The following GABRB3 variants were observed in gnomAD, a reference collection of about 807,000 sequenced individuals.
The protein encoded by GABRB3 is gamma-aminobutyric acid receptor subunit beta-3.
GABRB3 carries 14 observed loss-of-function variants against 52.1 expected under a neutral mutation model. That is an observed-to-expected ratio of 0.27 (90% confidence interval 0.18 to 0.42). The LOEUF (loss-of-function observed/expected upper bound fraction) is 0.42. Among genes scored for constraint, GABRB3 ranks in the 10% least tolerant of loss-of-function variants. The pLI is 1.00. For synonymous variants in GABRB3, 260 were observed against 232.3 expected, an observed-to-expected ratio of 1.12 and a Z score of -1.08; for missense variants, 307 against 609.1, an observed-to-expected ratio of 0.50 and a Z score of 5.22.
At chr15:26,678,305 T>C (rs1888129958) in intron 3 of GABRB3, among the ~76,000 whole-genome samples, 1 of 152,162 alleles carries the variant, frequency 6.6e-6, no homozygotes, top group Admixed American at 6.5e-5. Flanking sequence ...GACAATTTCT[T>C]ATTCTAAATT....
intron 3 of GABRB3, among the ~76,000 whole-genome samples, chr15:26,664,086 G>A (rs781503113): frequency 6.6e-6 from 1 of 152,062 alleles, no homozygotes; most frequent in Non-Finnish European, 1.5e-5. Flanking sequence ...TCACTTTATT[G>A]CCCAGGTGGG....
At position 26,543,929 on chromosome 15, in the gene GABRB3, C is replaced by T. The variant is rs1296576394; in HGVS notation, c.*3864G>A. The T allele has an allele frequency of 1.3e-5, 2 of 152,608 alleles. No individual in the cohort carries two copies. The highest frequency in any genetic ancestry group is 2.9e-5 in the Non-Finnish European group (2 of 68,040). 9.5% of individuals were successfully genotyped at this position (152,608 alleles called of 1,614,324 possible). A position where few individuals can be genotyped will look rare whatever the true frequency, so the allele number is the denominator to read the frequency against. Reference sequence around the variant, plus strand: ...TTGGGAATTTAGTATTTCAGGAAAACATGGCGCCTTTCAATGCAGTAGAAG... The same window carrying T: ...TTGGGAATTTAGTATTTCAGGAAAATATGGCGCCTTTCAATGCAGTAGAAG... On this transcript the variant is annotated 3_prime_UTR_variant, in exon 9 of 9. Transcript: ENST00000311550.
chr15:26,671,333 T>C (rs1430743620), intron 3 of GABRB3, among the ~76,000 whole-genome samples: 2 of 152,210 alleles, frequency 1.3e-5, no homozygotes, highest in Non-Finnish European at 2.9e-5. Context: ...TCTGGCAAAT[T>C]TGTAGCAAAC....
At chr15:26,652,502 T>G (rs1887228859) in intron 3 of GABRB3, among the ~76,000 whole-genome samples, 1 of 152,222 alleles carries the variant, frequency 6.6e-6, no homozygotes, top group Admixed American at 6.5e-5. Context: ...CACATGAATT[T>G]TAACTGCATG....
chr15:26,755,194 A>T (rs1890627675), intron 3 of GABRB3, among the ~76,000 whole-genome samples: 1 of 151,674 alleles, frequency 6.6e-6, no homozygotes, highest in African/African-American at 2.4e-5. Flanking sequence ...TTTAGTAGAG[A>T]TGGGGTTTCA....
chr15:26,728,308 C>T (rs1889824099), intron 3 of GABRB3, among the ~76,000 whole-genome samples: 1 of 152,192 alleles, frequency 6.6e-6, no homozygotes, highest in Non-Finnish European at 1.5e-5. Flanking sequence ...GTGTCCCCTC[C>T]ATGTATTCTG....
At chr15:26,592,779 C>A (rs1210717984) in intron 4 of GABRB3, among the ~76,000 whole-genome samples, 1 of 152,034 alleles carries the variant, frequency 6.6e-6, no homozygotes, top group Non-Finnish European at 1.5e-5. Context: ...CTTTGGGAGG[C>A]CGAGGCGGGT....
At chr15:26,631,890 A>T (rs992502021) in intron 3 of GABRB3, among the ~76,000 whole-genome samples, 2 of 152,196 alleles carry the variant, frequency 1.3e-5, no homozygotes, top group Non-Finnish European at 2.9e-5. Flanking sequence ...AGCATTGATT[A>T]TCTACCATAG....
At chr15:26,628,951 C>T in intron 3 of GABRB3, 1 of 1,535,410 alleles carries the variant, frequency 6.5e-7, no homozygotes. Context: ...TTGTGACTGC[C>T]GAGAGCCCGC....
At chr15:26,757,153 T>G (rs2140178650) in intron 3 of GABRB3, among the ~76,000 whole-genome samples, 1 of 152,294 alleles carries the variant, frequency 6.6e-6, no homozygotes, top group South Asian at 2.1e-4. Flanking sequence ...TTCCTGTTTC[T>G]TATACCAATT....
chr15:26,679,687 A>G (rs1160364896), intron 3 of GABRB3, among the ~76,000 whole-genome samples: 1 of 151,964 alleles, frequency 6.6e-6, no homozygotes, highest in African/African-American at 2.4e-5. Context: ...CCCAGAGCCA[A>G]TCTCACTGCT....
At chr15:26,730,601 G>A (rs1053392781) in intron 3 of GABRB3, among the ~76,000 whole-genome samples, 1 of 152,126 alleles carries the variant, frequency 6.6e-6, no homozygotes, top group African/African-American at 2.4e-5. Context: ...GTGGGGCTGG[G>A]TCCTTAGGAC....
chr15:26,605,953 T>A (rs1263822594), intron 4 of GABRB3, among the ~76,000 whole-genome samples: 1 of 152,024 alleles, frequency 6.6e-6, no homozygotes, highest in Admixed American at 6.6e-5. Context: ...GGAAGTCGAA[T>A]ACGAAGGAGG....
At chr15:26,642,236 C>T (rs1312525566) in intron 3 of GABRB3, among the ~76,000 whole-genome samples, 5 of 152,072 alleles carry the variant, frequency 3.3e-5, no homozygotes, top group East Asian at 1.9e-4. Context: ...CCATATCCAC[C>T]GGTTCTGAAT....
At chr15:26,685,038 T>A (rs190714440) in intron 3 of GABRB3, among the ~76,000 whole-genome samples, 1 of 152,174 alleles carries the variant, frequency 6.6e-6, no homozygotes, top group East Asian at 1.9e-4. Context: ...TGTGATAAAG[T>A]TAGATGTGCC....
chr15:26,752,232 TA>T (rs1890529797), intron 3 of GABRB3, among the ~76,000 whole-genome samples: 2 of 68,720 alleles, frequency 2.9e-5, no homozygotes, highest in Non-Finnish European at 5.2e-5. Flanking sequence ...CTCTTTATTT[TA>T]TTTATTTATT....
rs569965288 is a variant in GABRB3 at position 26,718,225 on chromosome 15, T to G, written c.240+54177A>C. Among the ~76,000 whole-genome samples, 340 of 152,288 alleles carry G rather than the reference T, an allele frequency of 2.2e-3. 4 individuals carry two copies. The highest frequency in any genetic ancestry group is 0.018 in the South Asian group (89 of 4,826). Reference sequence around the variant, plus strand: ...TTATTTATTTATTTATTTATTTTTTTGGGACGGAGTTTTGCTCTTGTTACC... The same window carrying G: ...TTATTTATTTATTTATTTATTTTTTGGGGACGGAGTTTTGCTCTTGTTACC... On this transcript the variant is annotated intron_variant, in intron 3 of 8. Coordinates refer to ENST00000311550, the MANE Select transcript of GABRB3 (RefSeq NM_000814.6).
chr15:26,601,247 C>G (rs1015429020), intron 4 of GABRB3, among the ~76,000 whole-genome samples: 1 of 152,060 alleles, frequency 6.6e-6, no homozygotes, highest in Non-Finnish European at 1.5e-5. Flanking sequence ...CATGGCAAAA[C>G]CCGGTCCCCA....
chr15:26,689,771 G>A (rs1200906947), intron 3 of GABRB3, among the ~76,000 whole-genome samples: 1 of 152,108 alleles, frequency 6.6e-6, no homozygotes, highest in Non-Finnish European at 1.5e-5. Flanking sequence ...GCCGCCTGGG[G>A]AGGCTGTCTG....
Sources: gnomAD v4.1 joint callset for allele counts (sites outside exome capture counted in the v4.1 genomes callset) on GRCh38, gnomAD v4.1.1 for gene constraint, MANE v1.5 for transcripts, NCBI Gene and HGNC (gene_info 2026-07-23, HGNC 2026-07-21) for gene names.